SBK1: variants seen among roughly 807,000 people sequenced by gnomAD.
SBK1 encodes serine/threonine-protein kinase SBK1.
In SBK1, 11 loss-of-function variants were observed where a neutral mutation model predicts 24.4. That is an observed-to-expected ratio of 0.45 (90% CI 0.28 to 0.75). The LOEUF (loss-of-function observed/expected upper bound fraction) is 0.75, where lower values mean the gene tolerates loss of function less well. Ranked by LOEUF, SBK1 falls within the 30% of genes least tolerant of loss-of-function variation. The pLI is 0.12. For synonymous variants in SBK1, 308 were observed against 284.4 expected, an observed-to-expected ratio of 1.08 and a Z score of -0.83; for missense variants, 467 against 620.5, an observed-to-expected ratio of 0.75 and a Z score of 2.63.
rs903382605 is a variant in SBK1 at position 28,323,266 on chromosome 16, C to T, written c.*2345C>T. 3.4e-5 allele frequency: 5 copies of T among 147,800 alleles called. No individual in the cohort carries two copies. Among genetic ancestry groups the T allele is most frequent in the Admixed American group, 1.4e-4 (2 of 14,482 alleles). 9.2% of individuals were successfully genotyped at this position (147,800 alleles called of 1,614,324 possible). Reference sequence around the variant, plus strand: ...TGTTTACCTCAGTTTATGTCACTGTCGAAGAAACAAAAAATAATAGCAAAA... The same window carrying T: ...TGTTTACCTCAGTTTATGTCACTGTTGAAGAAACAAAAAATAATAGCAAAA... On this transcript the variant is annotated 3_prime_UTR_variant, in exon 4 of 4. Transcript: ENST00000341901.
rs1023644405 is a variant in SBK1 at position 28,317,680 on chromosome 16, T to C, written c.226+63T>C. 1 of 1,139,400 alleles carries C rather than the reference T, an allele frequency of 8.8e-7. No homozygotes were observed. The highest frequency in any genetic ancestry group is 1.5e-5 in the African/African-American group (1 of 65,546). The allele number at this position is 1,139,400 out of a possible 1,614,324, so 70.6% of individuals were successfully genotyped here. A position where few individuals can be genotyped will look rare whatever the true frequency, so the allele number is the denominator to read the frequency against. ...GTGGGGCAGGGCTGGGAGGTCAGGG[T>C]TGGGGGACATGACCTTGCAGCTGGG... On this transcript the variant is annotated intron_variant, in intron 2 of 3. Coordinates refer to ENST00000341901, the MANE Select transcript of SBK1 (RefSeq NM_001024401.3). This position sits in a 1 kb window ranked among gnomAD's most constrained non-coding sequence, Gnocchi z 4.2.
At chr16:28,269,179 G>A (rs899596897) in intron 1 of SBK1, among the ~76,000 whole-genome samples, 7 of 151,788 alleles carry the variant, frequency 4.6e-5, no homozygotes, top group South Asian at 4.2e-4. Flanking sequence ...GATTAAAAGC[G>A]CCCGCCACCA....
intron 1 of SBK1, among the ~76,000 whole-genome samples, chr16:28,264,954 A>G (rs2044419099): frequency 6.6e-6 from 1 of 151,990 alleles, no homozygotes; most frequent in Non-Finnish European, 1.5e-5. Flanking sequence ...TGCTTCAAAG[A>G]TGTGAGCAGT....
At position 28,259,431 on chromosome 16, in the gene SBK1, G is replaced by A. The variant is rs1239713916; in HGVS notation, c.186G>A (p.Val62=). ...CCATGGGCTGCGGAGTCGATGATGT[G>A]CCGGCCTTCTGCTTCGTCTGCTTCC... The change falls in exon 1 of 4, where the codon GTG becomes GTA. Residue 62 remains valine, a synonymous_variant. Transcript: ENST00000671413. This position sits in a 1 kb window ranked among gnomAD's most constrained non-coding sequence, Gnocchi z 6.0. The A allele has an allele frequency of 3.0e-6, 3 of 986,042 alleles. No homozygotes were observed. The highest frequency in any genetic ancestry group is 3.6e-6 in the Non-Finnish European group (3 of 830,406). 61.1% of individuals were successfully genotyped at this position (986,042 alleles called of 1,614,324 possible).
chr16:28,271,264 A>G (rs1181260375), intron 1 of SBK1, among the ~76,000 whole-genome samples: 2 of 152,120 alleles, frequency 1.3e-5, no homozygotes, highest in Non-Finnish European at 2.9e-5. Context: ...AACAATAAAG[A>G]GTAAGACCTG....
At chr16:28,283,298 A>G (rs764487062) in intron 1 of SBK1, among the ~76,000 whole-genome samples, 1 of 152,148 alleles carries the variant, frequency 6.6e-6, no homozygotes, top group Non-Finnish European at 1.5e-5. Flanking sequence ...AGTCCAACTG[A>G]CTTAAGCACA....
rs200687729 is a variant in SBK1 at position 28,295,147 on chromosome 16, C to T, written c.-8+1847C>T. 5.3e-5 allele frequency among the ~76,000 whole-genome samples: 8 copies of T among 152,286 alleles called. No homozygotes were observed. In the East Asian group the frequency reaches 5.8e-4, roughly 11 times the overall value. ...GAGGCTGAAGAGCAGAAATTTGAGT[C>T]ACTGTGTCCAGGGCAAACTGTGAGG... On this transcript the variant is annotated intron_variant, in intron 1 of 3. Transcript: ENST00000341901.
intron 1 of SBK1, among the ~76,000 whole-genome samples, chr16:28,274,173 A>G (rs1258515928): frequency 1.3e-5 from 2 of 152,220 alleles, no homozygotes; most frequent in African/African-American, 4.8e-5. Context: ...ATGGAACTCT[A>G]CAAAACAAAG....
chr16:28,292,617 C>A lies in SBK1; in HGVS notation c.-691C>A. 5 of 982,110 alleles carry A rather than the reference C, an allele frequency of 5.1e-6. No homozygotes were observed. The highest frequency in any genetic ancestry group is 6.0e-6 in the Non-Finnish European group (5 of 828,516). 60.8% of individuals were successfully genotyped at this position (982,110 alleles called of 1,614,324 possible). On this transcript the variant is annotated 5_prime_UTR_variant, in exon 1 of 4. Coordinates refer to ENST00000341901, the MANE Select transcript of SBK1 (RefSeq NM_001024401.3). The stretch of plus-strand genomic sequence containing the variant: ...GCTGGAGCCGCAGCCGGAGCCCGGG[C>A]CAGGCCGGGGGCCGGGAGCGCAGGG...
chr16:28,275,045 G>A (rs2044487732), intron 1 of SBK1, among the ~76,000 whole-genome samples: 1 of 152,190 alleles, frequency 6.6e-6, no homozygotes, highest in Non-Finnish European at 1.5e-5. Context: ...TGGGAAAAGG[G>A]GCCGGGCGTG....
At chr16:28,301,296 G>T (rs1204228759) in intron 1 of SBK1, among the ~76,000 whole-genome samples, 1 of 152,258 alleles carries the variant, frequency 6.6e-6, no homozygotes, top group Non-Finnish European at 1.5e-5. Flanking sequence ...ACTGGGGAGG[G>T]CAGGAGAGGC....
At chr16:28,282,912 TTTA>T (rs2044542115) in intron 1 of SBK1, among the ~76,000 whole-genome samples, 2 of 26,808 alleles carry the variant, frequency 7.5e-5, no homozygotes, top group African/African-American at 1.7e-4. Flanking sequence ...CGCATTTTTA[TTTA>T]TTTATTTATT....
intron 1 of SBK1, among the ~76,000 whole-genome samples, chr16:28,296,504 C>T (rs1596547775): frequency 6.6e-6 from 1 of 152,298 alleles, no homozygotes; most frequent in East Asian, 1.9e-4. Context: ...TCCCAAAATG[C>T]TGAGATTACA....
intron 2 of SBK1, 50 bp from the exon 3 acceptor site, chr16:28,318,945 G>C: frequency 7.4e-7 from 1 of 1,355,090 alleles, no homozygotes; most frequent in Admixed American, 1.7e-5. Flanking sequence ...CATCCAGTGC[G>C]GAGGCACTGG....
In SBK1 at chr16:28,321,710, CT is replaced by C. The variant is rs1277242508; in HGVS notation, c.*790del. On this transcript the variant is annotated 3_prime_UTR_variant, in exon 4 of 4. Coordinates refer to ENST00000341901, the MANE Select transcript of SBK1 (RefSeq NM_001024401.3). ...TAGAGCTCTCTCCCCGCCCCTCCCC[CT>C]AACCACAAGGGATTGTCCTGACAAC... 6.5e-6 allele frequency: 1 copy of C among 152,754 alleles called. No individual in the cohort carries two copies. Among genetic ancestry groups the C allele is most frequent in the African/African-American group, 2.4e-5 (1 of 41,432 alleles). 9.5% of individuals were successfully genotyped at this position (152,754 alleles called of 1,614,324 possible).
At chr16:28,292,241 G>A (rs2141575068), upstream of SBK1, 1 of 126,484 alleles carries the variant, frequency 7.9e-6, no homozygotes, top group East Asian at 2.7e-4. Flanking sequence ...CGTGGGCTCT[G>A]ACCTAGAAAA....
At chr16:28,287,097 A>C (rs112223196) in intron 1 of SBK1, 24,244 of 151,694 alleles carry the variant, frequency 0.16, 2,546 homozygotes, top group Non-Finnish European at 0.24. Flanking sequence ...CTACATCTCA[A>C]GAAATAAATA....
At chr16:28,274,032 C>G (rs552467602) in intron 1 of SBK1, among the ~76,000 whole-genome samples, 51 of 152,240 alleles carry the variant, frequency 3.3e-4, no homozygotes, top group African/African-American at 1.2e-3. Context: ...ATAAAAAGAT[C>G]AGTGGTTGCC....
intron 1 of SBK1, among the ~76,000 whole-genome samples, chr16:28,281,471 G>A (rs1003856636): frequency 3.3e-5 from 5 of 152,150 alleles, no homozygotes; most frequent in Non-Finnish European, 1.5e-5. Context: ...AGTCAGGATG[G>A]AAATGGGGAC....
Sources: allele counts gnomAD v4.1 joint callset (sites outside exome capture counted in the v4.1 genomes callset), GRCh38; gene constraint gnomAD v4.1.1; non-coding constraint Gnocchi (gnomAD v3.1); transcripts MANE v1.5; gene names NCBI Gene and HGNC (gene_info 2026-07-23, HGNC 2026-07-21).